The following EPB41L4A variants were observed in gnomAD, a reference collection of about 807,000 sequenced individuals.
EPB41L4A encodes the protein erythrocyte membrane protein band 4.1 like 4A, also known as band 4.1-like protein 4A.
EPB41L4A carries 100 observed loss-of-function variants against 108.6 expected under a neutral mutation model. The observed-to-expected ratio is 0.92, with a 90% CI of 0.78 to 1.09. EPB41L4A has a LOEUF of 1.09. EPB41L4A is among the 50% of genes least tolerant of loss of function. EPB41L4A has a pLI of 0.00. For missense variants in EPB41L4A, 1,030 were observed against 842.7 expected (o/e 1.22, Z -2.75); for synonymous variants, 319 against 289.0 (o/e 1.10, Z -1.05).
intron 1 of EPB41L4A, among the ~76,000 whole-genome samples, chr5:112,386,815 C>G (rs1057513053): frequency 1.3e-5 from 2 of 152,122 alleles, no homozygotes; most frequent in African/African-American, 4.8e-5. Flanking sequence ...AAAGGCACAA[C>G]GGGAATAGAA....
At chr5:112,333,420 T>C (rs1357796682) in intron 1 of EPB41L4A, among the ~76,000 whole-genome samples, 1 of 152,106 alleles carries the variant, frequency 6.6e-6, no homozygotes, top group Non-Finnish European at 1.5e-5. Flanking sequence ...CAGTCTCCGA[T>C]GGAAGGATAA....
chr5:112,406,925 GA>G (rs1419347386), intron 1 of EPB41L4A, among the ~76,000 whole-genome samples: 1 of 152,018 alleles, frequency 6.6e-6, no homozygotes, highest in Non-Finnish European at 1.5e-5. Flanking sequence ...CATCATAACT[GA>G]AACCCACTCT....
intron 18 of EPB41L4A, among the ~76,000 whole-genome samples, chr5:112,177,196 T>A (rs565192925): frequency 6.6e-6 from 1 of 152,340 alleles, no homozygotes; most frequent in South Asian, 2.1e-4. Context: ...CATGGCTGCA[T>A]TCCTTTCTGC....
intron 1 of EPB41L4A, among the ~76,000 whole-genome samples, chr5:112,327,294 A>C (rs754096054): frequency 6.6e-6 from 1 of 152,228 alleles, no homozygotes; most frequent in Non-Finnish European, 1.5e-5. Context: ...TATAAAGAAG[A>C]AGCTCCTCGT....
chr5:112,349,973 C>T (rs138338618), intron 1 of EPB41L4A, among the ~76,000 whole-genome samples: 1,737 of 152,250 alleles, frequency 0.011, 26 homozygotes, highest in South Asian at 0.038. Flanking sequence ...AAGACGACGA[C>T]AGTGTGAAGG....
rs553804687 is a variant in EPB41L4A at position 112,310,268 on chromosome 5, T to A, written c.100-2778A>T. Among the ~76,000 whole-genome samples, 5 of 152,370 alleles carry A rather than the reference T, an allele frequency of 3.3e-5. No individual in the cohort carries two copies. The South Asian group carries it at 1.0e-3, about 32-fold the overall frequency. ...CATTGGAAAGCCAACTAATATTCCC[T>A]ATCGGTCTTATTCCCAGCCGTCTTG... On this transcript the variant is annotated intron_variant, in intron 1 of 22. Transcript: ENST00000261486.
At chr5:112,335,228 C>G (rs763697945) in intron 1 of EPB41L4A, among the ~76,000 whole-genome samples, 5 of 152,132 alleles carry the variant, frequency 3.3e-5, no homozygotes, top group Non-Finnish European at 7.3e-5. Context: ...AGCAACTGTG[C>G]TAGAGTCTGT....
chr5:112,408,241 T>TA (rs1283529127), intron 1 of EPB41L4A, among the ~76,000 whole-genome samples: 1 of 152,154 alleles, frequency 6.6e-6, no homozygotes, highest in Middle Eastern at 3.2e-3. Context: ...GACCTAAGGC[T>TA]ATTAAAAATC....
chr5:112,312,300 A>G (rs1334503599), intron 1 of EPB41L4A, among the ~76,000 whole-genome samples: 1 of 152,214 alleles, frequency 6.6e-6, no homozygotes. Context: ...CTACCAGAAC[A>G]TGCCAATCTT....
chr5:112,232,968 T>C (rs897427039), intron 12 of EPB41L4A, among the ~76,000 whole-genome samples: 1 of 152,134 alleles, frequency 6.6e-6, no homozygotes. Flanking sequence ...ACAGTAAAAT[T>C]CTGTGAGCAA....
rs1000664449 is a variant in EPB41L4A at position 112,229,210 on chromosome 5, GTTT to G, written c.1087+5421_1087+5423del. On this transcript the variant is annotated intron_variant, in intron 12 of 22. Transcript: ENST00000261486. The stretch of plus-strand genomic sequence containing the variant: ...AAAAAATTATATACAAATGTTTTGT[GTTT>G]TTTTTGAAACACATCACATTTATTC... Among the ~76,000 whole-genome samples the G allele has an allele frequency of 4.0e-5, 6 of 151,688 alleles. No homozygotes were observed. The South Asian group carries it at 6.2e-4, about 16-fold the overall frequency.
At chr5:112,400,381 G>A (rs1235859009) in intron 1 of EPB41L4A, among the ~76,000 whole-genome samples, 1 of 152,164 alleles carries the variant, frequency 6.6e-6, no homozygotes, top group South Asian at 2.1e-4. Context: ...CATATCACTG[G>A]GTCATTTATA....
At chr5:112,229,710 C>T (rs1331829675) in intron 12 of EPB41L4A, among the ~76,000 whole-genome samples, 2 of 152,134 alleles carry the variant, frequency 1.3e-5, no homozygotes, top group African/African-American at 4.8e-5. Flanking sequence ...GTCTCCAGGC[C>T]AGGCACGGTG....
chr5:112,158,674 C>A (rs571864894), downstream of EPB41L4A, among the ~76,000 whole-genome samples: 7 of 151,692 alleles, frequency 4.6e-5, no homozygotes, highest in East Asian at 1.3e-3. Flanking sequence ...GGGAAGCAAA[C>A]ACATCCTTTT....
At chr5:112,391,212 C>G (rs897527653) in intron 1 of EPB41L4A, among the ~76,000 whole-genome samples, 11 of 152,174 alleles carry the variant, frequency 7.2e-5, no homozygotes, top group Admixed American at 3.3e-4. Context: ...CTAAGCTGGA[C>G]AGAGAATGAC....
chr5:112,236,802 G>C (rs1749369331), intron 11 of EPB41L4A, among the ~76,000 whole-genome samples: 1 of 152,260 alleles, frequency 6.6e-6, no homozygotes, highest in South Asian at 2.1e-4. Context: ...TACTGATTAG[G>C]GACGCTTACT....
chr5:112,239,196 A>G (rs1225158001), intron 11 of EPB41L4A, among the ~76,000 whole-genome samples: 1 of 152,240 alleles, frequency 6.6e-6, no homozygotes, highest in Non-Finnish European at 1.5e-5. Context: ...ACTGCTCAAT[A>G]AAGTTGAGAT....
intron 13 of EPB41L4A, among the ~76,000 whole-genome samples, chr5:112,208,803 C>T (rs1365000056): frequency 6.6e-6 from 1 of 152,200 alleles, no homozygotes; most frequent in African/African-American, 2.4e-5. Flanking sequence ...ATCTGAATCT[C>T]ATGGAAGATT....
chr5:112,315,392 C>T (rs1287572153), intron 1 of EPB41L4A, among the ~76,000 whole-genome samples: 1 of 152,212 alleles, frequency 6.6e-6, no homozygotes, highest in African/African-American at 2.4e-5. Context: ...ATAACTTATT[C>T]TCAGTAAGAG....
Sources: gnomAD v4.1 joint callset for allele counts (sites outside exome capture counted in the v4.1 genomes callset) on GRCh38, gnomAD v4.1.1 for gene constraint, MANE v1.5 for transcripts, NCBI Gene and HGNC (gene_info 2026-07-23, HGNC 2026-07-21) for gene names.